ATRNL1: variants seen among roughly 807,000 people sequenced by gnomAD.
ATRNL1 encodes attractin-like protein 1.
ATRNL1 carries 95 observed loss-of-function variants against 182.7 expected under a neutral mutation model. The ratio of observed to expected loss-of-function variants is 0.52; its 90% CI spans 0.44 to 0.62. The LOEUF (loss-of-function observed/expected upper bound fraction) is 0.62. ATRNL1 is among the 20% of genes least tolerant of loss of function. The probability of loss-of-function intolerance (pLI) is 0.00; values close to 1 mark genes in which losing one functional copy is unlikely to be tolerated. For synonymous variants in ATRNL1, 576 were observed against 568.3 expected (o/e 1.01, Z -0.19); for missense variants, 1,471 against 1,679.5 (o/e 0.88, Z 2.17).
chr10:115,732,440 CTG>C (rs1947827525), intron 27 of ATRNL1, among the ~76,000 whole-genome samples: 1 of 152,108 alleles, frequency 6.6e-6, no homozygotes, highest in African/African-American at 2.4e-5. Flanking sequence ...TTTTTAAAGA[CTG>C]TTTTAAAGAT....
At chr10:115,301,816 G>A (rs1554924572) in intron 16 of ATRNL1, 39 bp from the exon 17 acceptor site, 2 of 1,514,546 alleles carry the variant, frequency 1.3e-6, no homozygotes, top group East Asian at 2.4e-5. Context: ...TTAACATGAA[G>A]TTAAAAATGA....
chr10:115,341,251 T>C (rs1351459502), intron 19 of ATRNL1, among the ~76,000 whole-genome samples: 18 of 152,164 alleles, frequency 1.2e-4, no homozygotes, highest in African/African-American at 4.3e-4. Context: ...ATTTTCAGTT[T>C]CCTTCTTAGT....
intron 19 of ATRNL1, among the ~76,000 whole-genome samples, chr10:115,354,690 G>A (rs1030160875): frequency 6.6e-6 from 1 of 151,940 alleles, no homozygotes; most frequent in Non-Finnish European, 1.5e-5. Context: ...GAATCTTCTT[G>A]ATGTTCTTTC....
intron 19 of ATRNL1, among the ~76,000 whole-genome samples, chr10:115,360,039 A>G (rs1206593122): frequency 1.3e-5 from 2 of 151,722 alleles, no homozygotes; most frequent in Non-Finnish European, 3.0e-5. Flanking sequence ...TATTTGAGTA[A>G]TTATTCACAT....
intron 8 of ATRNL1, among the ~76,000 whole-genome samples, chr10:115,200,574 T>C (rs1848530081): frequency 6.8e-6 from 1 of 146,118 alleles, no homozygotes; most frequent in Non-Finnish European, 1.5e-5. Context: ...TTTTTATGGC[T>C]GCATAGTATT....
chr10:115,530,060 TG>T (rs1280337932), intron 25 of ATRNL1, among the ~76,000 whole-genome samples: 47 of 152,326 alleles, frequency 3.1e-4, no homozygotes, highest in African/African-American at 1.1e-3. Flanking sequence ...ATCAGTACTT[TG>T]TTTCTTTTTA....
intron 28 of ATRNL1, among the ~76,000 whole-genome samples, chr10:115,882,886 G>C (rs1381406716): frequency 6.6e-6 from 1 of 152,202 alleles, no homozygotes; most frequent in African/African-American, 2.4e-5. Context: ...TGGGCCGCCA[G>C]TTATTTATGG....
intron 27 of ATRNL1, among the ~76,000 whole-genome samples, chr10:115,760,551 T>G (rs1345291134): frequency 6.6e-6 from 1 of 152,150 alleles, no homozygotes; most frequent in Non-Finnish European, 1.5e-5. Context: ...TTACCCTGAT[T>G]GAAAGATAAA....
At chr10:115,684,077 G>T (rs536428660) in intron 26 of ATRNL1, among the ~76,000 whole-genome samples, 59 of 151,758 alleles carry the variant, frequency 3.9e-4, no homozygotes, top group Middle Eastern at 6.8e-3. Flanking sequence ...TCCATATACA[G>T]AAATTATTGT....
Position 115,171,309 on chromosome 10 carries a change from T to C in ATRNL1, c.1348+17T>C, listed in dbSNP as rs1847282680. ...ACCATATCTGTGAGTTACTTAAAAA[T>C]TGTAATTTCTTTATTGATTGGGAAT... On this transcript the variant is annotated intron_variant, in intron 8 of 28. Coordinates refer to ENST00000355044, the MANE Select transcript of ATRNL1 (RefSeq NM_207303.4). 9 of 1,525,800 alleles carry C rather than the reference T, an allele frequency of 5.9e-6. No homozygotes were observed. Among genetic ancestry groups the C allele is most frequent in the Admixed American group, 1.8e-5 (1 of 55,278 alleles). 94.5% of individuals were successfully genotyped at this position (1,525,800 alleles called of 1,614,324 possible).
chr10:115,734,175 C>A (rs1166247315), intron 27 of ATRNL1, among the ~76,000 whole-genome samples: 4 of 134,956 alleles, frequency 3.0e-5, no homozygotes, highest in Non-Finnish European at 6.6e-5. Flanking sequence ...GTATATAACT[C>A]GATCTTACTT....
At chr10:115,355,634 A>G (rs1856469267) in intron 19 of ATRNL1, among the ~76,000 whole-genome samples, 1 of 152,140 alleles carries the variant, frequency 6.6e-6, no homozygotes, top group African/African-American at 2.4e-5. Context: ...CATGAAATAT[A>G]CAGACATTAA....
chr10:115,273,922 T>A (rs1231656245), intron 13 of ATRNL1, among the ~76,000 whole-genome samples: 1 of 152,162 alleles, frequency 6.6e-6, no homozygotes, highest in Non-Finnish European at 1.5e-5. Flanking sequence ...CCCAACCTCA[T>A]GGGTTGGTGG....
intron 27 of ATRNL1, among the ~76,000 whole-genome samples, chr10:115,754,328 C>G (rs905421421): frequency 2.0e-5 from 3 of 152,138 alleles, no homozygotes; most frequent in African/African-American, 4.8e-5. Context: ...AGTCTTTAAT[C>G]CATCTTGAGT....
intron 8 of ATRNL1, among the ~76,000 whole-genome samples, chr10:115,196,218 A>G (rs1188552025): frequency 1.1e-4 from 16 of 152,124 alleles, no homozygotes; most frequent in Non-Finnish European, 1.0e-4. Context: ...AGCTTTTTCC[A>G]TTGAATTACC....
chr10:115,537,325 C>T (rs530217544), intron 25 of ATRNL1, among the ~76,000 whole-genome samples: 3 of 152,290 alleles, frequency 2.0e-5, no homozygotes, highest in Admixed American at 6.5e-5. Context: ...TATTGCTTTA[C>T]ACCTCAAACT....
At chr10:115,440,927 G>A (rs2134445885) in intron 21 of ATRNL1, among the ~76,000 whole-genome samples, 1 of 151,752 alleles carries the variant, frequency 6.6e-6, no homozygotes, top group South Asian at 2.1e-4. Context: ...ACCTTTATCT[G>A]CACCAGCTAA....
At chr10:115,532,184 A>G (rs1313800915) in intron 25 of ATRNL1, among the ~76,000 whole-genome samples, 1 of 152,122 alleles carries the variant, frequency 6.6e-6, no homozygotes, top group African/African-American at 2.4e-5. Flanking sequence ...TGGTAGCTTG[A>G]TGGGGATGTC....
intron 19 of ATRNL1, among the ~76,000 whole-genome samples, chr10:115,338,444 T>A (rs1179407614): frequency 2.6e-5 from 4 of 152,184 alleles, no homozygotes; most frequent in Admixed American, 6.5e-5. Context: ...TGGGGTGATA[T>A]TACAGTTCTG....
Sources: gnomAD v4.1 joint callset for allele counts (sites outside exome capture counted in the v4.1 genomes callset) on GRCh38, gnomAD v4.1.1 for gene constraint, MANE v1.5 for transcripts, NCBI Gene and HGNC (gene_info 2026-07-23, HGNC 2026-07-21) for gene names.